Variants in PHACTR1 observed in about 807,000 individuals in gnomAD.
The protein encoded by PHACTR1 is RPEL repeat containing 1.
A neutral mutation model predicts 69.2 loss-of-function variants in PHACTR1; 16 were observed. The ratio of observed to expected loss-of-function variants is 0.23; its 90% confidence interval spans 0.16 to 0.35. The LOEUF (loss-of-function observed/expected upper bound fraction) is 0.35, where lower values mean the gene tolerates loss of function less well. Among genes scored for constraint, PHACTR1 ranks in the 10% least tolerant of loss-of-function variants. PHACTR1 has a pLI of 1.00. For synonymous variants in PHACTR1, 312 were observed against 284.5 expected (o/e 1.10, Z -0.97); for missense variants, 510 against 734.7 (o/e 0.69, Z 3.54).
chr6:13,254,996 C>G (rs1005955925), intron 10 of PHACTR1, among the ~76,000 whole-genome samples: 2 of 152,160 alleles, frequency 1.3e-5, no homozygotes, highest in Non-Finnish European at 2.9e-5. Context: ...CATTCCTGCA[C>G]TGCTATAAAG....
chr6:13,183,712 T>C (rs1265609922), intron 7 of PHACTR1, among the ~76,000 whole-genome samples: 1 of 152,108 alleles, frequency 6.6e-6, no homozygotes, highest in Non-Finnish European at 1.5e-5. Flanking sequence ...GCAGTGGAGT[T>C]ACACCCTCCC....
intron 4 of PHACTR1, among the ~76,000 whole-genome samples, chr6:12,925,196 A>C (rs1291355355): frequency 6.6e-6 from 1 of 152,132 alleles, no homozygotes; most frequent in Admixed American, 6.5e-5. Context: ...TCTCCCAACA[A>C]CTCCAACAAC....
chr6:13,119,649 G>T (rs775360146), intron 5 of PHACTR1, among the ~76,000 whole-genome samples: 1 of 152,184 alleles, frequency 6.6e-6, no homozygotes, highest in Non-Finnish European at 1.5e-5. Context: ...AGGAGGTTCA[G>T]ACCTCTGCCT....
At chr6:12,843,109 T>G (rs1338626311) in intron 4 of PHACTR1, among the ~76,000 whole-genome samples, 1 of 152,214 alleles carries the variant, frequency 6.6e-6, no homozygotes, top group African/African-American at 2.4e-5. Flanking sequence ...ACTAGGACTC[T>G]TTTCTCTTGT....
At chr6:12,938,968 C>T (rs1030138546) in intron 4 of PHACTR1, among the ~76,000 whole-genome samples, 85 of 152,252 alleles carry the variant, frequency 5.6e-4, no homozygotes, top group Middle Eastern at 3.4e-3. Flanking sequence ...TAATGAACAG[C>T]GGGGAAGTTT....
chr6:13,183,289 G>A (rs773681442), intron 7 of PHACTR1, among the ~76,000 whole-genome samples: 3 of 152,116 alleles, frequency 2.0e-5, no homozygotes. Flanking sequence ...GTCCTAATTT[G>A]CCCCAAAATA....
intron 4 of PHACTR1, among the ~76,000 whole-genome samples, chr6:12,953,220 G>A (rs1200151232): frequency 1.3e-5 from 2 of 152,168 alleles, no homozygotes; most frequent in Non-Finnish European, 2.9e-5. Flanking sequence ...CTACTTGAGA[G>A]GCTGCGGCAG....
In PHACTR1 at chr6:12,737,477, G is replaced by A. The variant is rs1315490861; in HGVS notation, c.104-12167G>A. 5.3e-5 allele frequency among the ~76,000 whole-genome samples: 8 copies of A among 151,918 alleles called. 1 individual carries two copies. The highest frequency in any genetic ancestry group is 4.2e-4 in the South Asian group (2 of 4,812). The stretch of plus-strand genomic sequence containing the variant: ...GGAGGAAATATATATGTATGATTGC[G>A]TGTGTGTATTTTTATATGTGATTTT... On this transcript the variant is annotated intron_variant, in intron 3 of 14. Transcript: ENST00000332995.
intron 5 of PHACTR1, among the ~76,000 whole-genome samples, chr6:13,123,776 A>G (rs1276518667): frequency 2.0e-5 from 3 of 152,208 alleles, no homozygotes; most frequent in African/African-American, 7.2e-5. Flanking sequence ...CACACACACT[A>G]GAGGCTCCCA....
chr6:13,108,130 T>A (rs1298916074), intron 5 of PHACTR1, among the ~76,000 whole-genome samples: 1 of 152,124 alleles, frequency 6.6e-6, no homozygotes, highest in Non-Finnish European at 1.5e-5. Context: ...GATTTCTTCT[T>A]GGACTCATTG....
intron 12 of PHACTR1, chr6:13,281,207 A>G: frequency 1.8e-6 from 2 of 1,131,352 alleles, no homozygotes; most frequent in Non-Finnish European, 2.3e-6. Flanking sequence ...CAGGAAGAGA[A>G]ATTTGAAAGT....
At chr6:13,139,537 A>G (rs1487614067) in intron 5 of PHACTR1, among the ~76,000 whole-genome samples, 2 of 152,210 alleles carry the variant, frequency 1.3e-5, no homozygotes, top group Non-Finnish European at 2.9e-5. Context: ...TTCCCAAAAA[A>G]CTTTCATTTG....
At chr6:13,019,023 T>C (rs1038907344) in intron 4 of PHACTR1, among the ~76,000 whole-genome samples, 1 of 151,188 alleles carries the variant, frequency 6.6e-6, no homozygotes, top group African/African-American at 2.4e-5. Context: ...TGTGTATATA[T>C]ATACATATAT....
chr6:13,187,022 T>C (rs1762902389), intron 7 of PHACTR1, among the ~76,000 whole-genome samples: 1 of 152,166 alleles, frequency 6.6e-6, no homozygotes, highest in Non-Finnish European at 1.5e-5. Flanking sequence ...ATTCCTCACA[T>C]GCGCAGTTCA....
At chr6:12,818,216 T>G (rs1339733057) in intron 4 of PHACTR1, among the ~76,000 whole-genome samples, 1 of 152,168 alleles carries the variant, frequency 6.6e-6, no homozygotes, top group Non-Finnish European at 1.5e-5. Context: ...CAATGTTTAT[T>G]ATTTCTCAGG....
At chr6:13,191,907 G>T (rs1561969024) in intron 7 of PHACTR1, among the ~76,000 whole-genome samples, 6 of 152,094 alleles carry the variant, frequency 3.9e-5, no homozygotes, top group Admixed American at 3.3e-4. Context: ...AAATGCAGAA[G>T]TTTTTTTTCT....
chr6:12,846,440 A>T (rs898934397), intron 4 of PHACTR1, among the ~76,000 whole-genome samples: 3 of 152,180 alleles, frequency 2.0e-5, no homozygotes, highest in Non-Finnish European at 2.9e-5. Context: ...TCCTTTCAGC[A>T]TCTTAAGGAC....
intron 4 of PHACTR1, among the ~76,000 whole-genome samples, chr6:12,849,690 A>G (rs1020715737): frequency 6.6e-6 from 1 of 152,190 alleles, no homozygotes; most frequent in African/African-American, 2.4e-5. Context: ...ATGATGTCAT[A>G]AACCATCATC....
At chr6:13,266,178 T>C (rs999861272) in intron 10 of PHACTR1, among the ~76,000 whole-genome samples, 1 of 152,136 alleles carries the variant, frequency 6.6e-6, no homozygotes. Flanking sequence ...CCTAAGGAGA[T>C]ATCCTGTACA....
Sources: gnomAD v4.1 joint callset for allele counts (sites outside exome capture counted in the v4.1 genomes callset) on GRCh38, gnomAD v4.1.1 for gene constraint, MANE v1.5 for transcripts, NCBI Gene and HGNC (gene_info 2026-07-23, HGNC 2026-07-21) for gene names.